Variants in AZIN2 observed in about 807,000 individuals in gnomAD.
AZIN2 encodes the protein antizyme inhibitor 2.
In AZIN2, 28 loss-of-function variants were observed where a neutral mutation model predicts 47.8. The ratio of observed to expected loss-of-function variants is 0.59; its 90% confidence interval spans 0.43 to 0.80. The LOEUF is 0.80. Ranked by LOEUF, AZIN2 falls within the 30% of genes least tolerant of loss-of-function variation. AZIN2 has a pLI of 0.00. For synonymous variants in AZIN2, 221 were observed against 239.4 expected (o/e 0.92, Z 0.71); for missense variants, 535 against 582.5 (o/e 0.92, Z 0.84).
At chr1:33,145,983 G>T in the AZIN2 span, 1 of 466,122 alleles carries the variant, frequency 2.1e-6, no homozygotes, top group Non-Finnish European at 4.5e-6. Context: ...AGAGGGGCAG[G>T]CCTCAGGACA....
chr1:33,092,285 G>A, intron 6 of AZIN2, 63 bp downstream of exon 6: 1 of 1,542,882 alleles, frequency 6.5e-7, no homozygotes, highest in Non-Finnish European at 8.7e-7. Context: ...GGGGAGCCTG[G>A]GCTGTGGGGA....
At chr1:33,133,582 C>T in the AZIN2 span, among the ~76,000 whole-genome samples, 5 of 152,338 alleles carry the variant, frequency 3.3e-5, no homozygotes, top group Non-Finnish European at 7.3e-5. Flanking sequence ...ATGGTGATCA[C>T]TGCAGCTTGC....
rs773353423 is a variant in AZIN2, at chr1:33,084,141, G to T, written c.279+14G>T. On this transcript the variant is annotated intron_variant, in intron 5 of 11. Transcript: ENST00000294517. ...TGTGCCAACAAGGTGAGCCCTGCCC[G>T]CACGGTGCACTGACCCTCCATGCCC... 6.2e-7 allele frequency: 1 copy of T among 1,605,698 alleles called. No homozygotes were observed. The highest frequency in any genetic ancestry group is 2.2e-5 in the East Asian group (1 of 44,872).
chr1:33,135,146 C>T, the AZIN2 span, among the ~76,000 whole-genome samples: 2 of 152,050 alleles, frequency 1.3e-5, no homozygotes, highest in Non-Finnish European at 2.9e-5. Context: ...AAAATTTAGC[C>T]GGGCATGGTG....
intron 5 of AZIN2, among the ~76,000 whole-genome samples, chr1:33,090,829 T>G (rs1321685423): frequency 6.6e-6 from 1 of 152,216 alleles, no homozygotes; most frequent in East Asian, 1.9e-4. Flanking sequence ...TTGTATCCTT[T>G]GACCAACTTC....
chr1:33,163,531 C>G, the AZIN2 span: 1 of 152,256 alleles, frequency 6.6e-6, no homozygotes, highest in Non-Finnish European at 1.5e-5. Flanking sequence ...CTAGTTCTTT[C>G]CAGGGCAGAG....
chr1:33,125,887 A>G (rs1220091770), downstream of AZIN2, among the ~76,000 whole-genome samples: 1 of 152,094 alleles, frequency 6.6e-6, no homozygotes, highest in Non-Finnish European at 1.5e-5. Flanking sequence ...TCAGGCTGGG[A>G]GTGACGGCTC....
rs897145610 is a variant in AZIN2, at chr1:33,120,551, T to C, written c.*369T>C. On this transcript the variant is annotated 3_prime_UTR_variant, in exon 12 of 12. Transcript: ENST00000294517. ...ACTGCAGCGGAATCTGGCAGTTTGA[T>C]TCACAAAGCAGCCTGGGCTAGGCCT... is the stretch of plus-strand genomic sequence containing the variant. 14 of 190,220 alleles carry C rather than the reference T, an allele frequency of 7.4e-5. No homozygotes were observed. Among genetic ancestry groups the C allele is most frequent in the Non-Finnish European group, 1.3e-4 (12 of 89,862 alleles). 11.8% of individuals were successfully genotyped at this position (190,220 alleles called of 1,614,324 possible).
chr1:33,136,589 T>TG, the AZIN2 span, among the ~76,000 whole-genome samples: 1 of 151,462 alleles, frequency 6.6e-6, no homozygotes, highest in African/African-American at 2.4e-5. Context: ...AGGCTGGTCT[T>TG]GAACTCCTGG....
At chr1:33,117,742 C>T (rs1001009033) in intron 10 of AZIN2, among the ~76,000 whole-genome samples, 160 bp from the exon 11 acceptor site, 4 of 152,150 alleles carry the variant, frequency 2.6e-5, no homozygotes, top group African/African-American at 9.7e-5. Context: ...TAAGAGGCAA[C>T]GAATGCAGAG....
At chr1:33,093,675 T>C (rs949661955) in intron 7 of AZIN2, among the ~76,000 whole-genome samples, 3 of 151,842 alleles carry the variant, frequency 2.0e-5, no homozygotes, top group African/African-American at 7.3e-5. Context: ...TACCAGCCTG[T>C]AGGACAAAGG....
At chr1:33,155,172 A>T in the AZIN2 span, among the ~76,000 whole-genome samples, 4 of 150,328 alleles carry the variant, frequency 2.7e-5, no homozygotes, top group African/African-American at 9.7e-5. Context: ...CCTGGGTTCA[A>T]GCCATTCTCC....
In AZIN2 at chr1:33,108,542, C is replaced by A. The variant is rs1003671193; in HGVS notation, c.1030-9360C>A. On this transcript the variant is annotated intron_variant, in intron 10 of 11. Coordinates refer to ENST00000294517, the MANE Select transcript of AZIN2 (RefSeq NM_052998.4). The stretch of plus-strand genomic sequence containing the variant: ...ATTTTTAGTAGAGATGGGGTTTCAC[C>A]ATGTTGGCCAAGCTGGTCTTGAACA... Among the ~76,000 whole-genome samples, 8 of 152,074 alleles carry A rather than the reference C, an allele frequency of 5.3e-5. No individual in the cohort carries two copies. The South Asian group carries it at 1.5e-3, about 28-fold the overall frequency.
chr1:33,090,389 G>C (rs1332837046), intron 5 of AZIN2, among the ~76,000 whole-genome samples: 1 of 152,156 alleles, frequency 6.6e-6, no homozygotes, highest in Non-Finnish European at 1.5e-5. Flanking sequence ...CAGCAATCAG[G>C]TGCCCACAGG....
chr1:33,083,530 C>T lies in AZIN2; in HGVS notation c.106-424C>T, dbSNP rs145289194. 1.7e-3 allele frequency: 499 copies of T among 289,856 alleles called. 6 individuals carry two copies. Among genetic ancestry groups the T allele is most frequent in the African/African-American group, 0.01 (477 of 46,278 alleles). 18.0% of individuals were successfully genotyped at this position (289,856 alleles called of 1,614,324 possible). A position where few individuals can be genotyped will look rare whatever the true frequency, so the allele number is the denominator to read the frequency against. ...TTTCTAGAATGGACAGATGCATATG[C>T]AGTTCTGATACCTTGGAAGCATATG... is the stretch of plus-strand genomic sequence containing the variant. On this transcript the variant is annotated intron_variant, in intron 4 of 11. Coordinates refer to ENST00000294517, the MANE Select transcript of AZIN2 (RefSeq NM_052998.4).
At chr1:33,089,577 A>T (rs1169761371) in intron 5 of AZIN2, among the ~76,000 whole-genome samples, 9 of 152,164 alleles carry the variant, frequency 5.9e-5, no homozygotes, top group Non-Finnish European at 2.9e-5. Context: ...ATCCACTCAG[A>T]TTCGGGGTAG....
At chr1:33,126,289 G>A (rs1478304400), downstream of AZIN2, among the ~76,000 whole-genome samples, 1 of 152,060 alleles carries the variant, frequency 6.6e-6, no homozygotes, top group Non-Finnish European at 1.5e-5. Flanking sequence ...TCCTTCATTA[G>A]GGGTTCCATC....
At chr1:33,108,825 A>G (rs1010686792) in intron 10 of AZIN2, among the ~76,000 whole-genome samples, 3 of 152,232 alleles carry the variant, frequency 2.0e-5, no homozygotes, top group African/African-American at 7.2e-5. Context: ...TAAAGCTATT[A>G]TAAACATCTA....
chr1:33,157,892 G>A, the AZIN2 span, among the ~76,000 whole-genome samples: 1 of 152,064 alleles, frequency 6.6e-6, no homozygotes, highest in Non-Finnish European at 1.5e-5. Context: ...GAGTAGCTGG[G>A]ATTACAGGTG....
Sources: allele counts gnomAD v4.1 joint callset (sites outside exome capture counted in the v4.1 genomes callset), GRCh38; gene constraint gnomAD v4.1.1; transcripts MANE v1.5; gene names NCBI Gene and HGNC (gene_info 2026-07-23, HGNC 2026-07-21).